Variants in SNTG1 observed in about 807,000 individuals in gnomAD.
SNTG1 encodes syntrophin gamma 1, also known as gamma-1-syntrophin.
Under a neutral mutation model 74.7 loss-of-function variants are expected in SNTG1, and 39 were observed. The observed-to-expected ratio is 0.52, with a 90% CI of 0.40 to 0.68. The LOEUF (loss-of-function observed/expected upper bound fraction) is 0.68. Among genes scored for constraint, SNTG1 ranks in the 30% least tolerant of loss-of-function variants. SNTG1 has a pLI of 0.00. For synonymous variants in SNTG1, 254 were observed against 217.1 expected (o/e 1.17, Z -1.49); for missense variants, 685 against 609.5 (o/e 1.12, Z -1.30).
intron 2 of SNTG1, among the ~76,000 whole-genome samples, chr8:50,202,934 T>A (rs1205579294): frequency 6.6e-6 from 1 of 152,048 alleles, no homozygotes; most frequent in Non-Finnish European, 1.5e-5. Flanking sequence ...AAGATCTCAA[T>A]GACTATTACT....
intron 8 of SNTG1, among the ~76,000 whole-genome samples, chr8:50,451,256 G>A (rs1410841327): frequency 6.6e-6 from 1 of 152,160 alleles, no homozygotes. Context: ...ATTAGATATT[G>A]CAAGTATCTA....
chr8:50,178,453 G>T (rs2083081889), intron 2 of SNTG1, among the ~76,000 whole-genome samples: 2 of 151,640 alleles, frequency 1.3e-5, no homozygotes, highest in African/African-American at 4.8e-5. Context: ...ATTGTTGGAG[G>T]TTATCTAACA....
intron 1 of SNTG1, among the ~76,000 whole-genome samples, chr8:50,050,133 A>G (rs966295248): frequency 6.6e-6 from 1 of 151,968 alleles, no homozygotes; most frequent in Non-Finnish European, 1.5e-5. Context: ...TAAATACAGG[A>G]AATCAACAGA....
chr8:50,519,837 A>C (rs1350835788), intron 9 of SNTG1, among the ~76,000 whole-genome samples: 1 of 152,218 alleles, frequency 6.6e-6, no homozygotes. Context: ...TTCCATGTTC[A>C]TAGACAGGGA....
chr8:50,051,558 A>C (rs914187393), intron 1 of SNTG1, among the ~76,000 whole-genome samples: 2 of 152,112 alleles, frequency 1.3e-5, no homozygotes, highest in African/African-American at 4.8e-5. Context: ...GTAAGTTTGA[A>C]GTCTGAAATG....
chr8:50,515,803 T>A (rs1397443678), intron 9 of SNTG1, among the ~76,000 whole-genome samples: 1 of 151,934 alleles, frequency 6.6e-6, no homozygotes, highest in Non-Finnish European at 1.5e-5. Context: ...GCAGCCCCAG[T>A]CAGGGGCTTA....
At chr8:50,511,533 T>C (rs1003613846) in intron 9 of SNTG1, among the ~76,000 whole-genome samples, 5 of 152,196 alleles carry the variant, frequency 3.3e-5, no homozygotes, top group African/African-American at 1.2e-4. Flanking sequence ...TCTCCCATTA[T>C]TATTGTGTGG....
chr8:50,665,746 G>A (rs2095247849), intron 15 of SNTG1, among the ~76,000 whole-genome samples: 1 of 151,812 alleles, frequency 6.6e-6, no homozygotes, highest in African/African-American at 2.4e-5. Context: ...AGCAATTCTG[G>A]GATAAAATAA....
Position 50,407,008 on chromosome 8 carries a change from C to T in SNTG1, c.162+4664C>T, listed in dbSNP as rs1219260183. On this transcript the variant is annotated intron_variant, in intron 4 of 18. Transcript: ENST00000642720. The stretch of plus-strand genomic sequence containing the variant: ...AACTCCCTTTGTCTGTTTTTTAAAA[C>T]CTCCCACTGGTAAAGGCCCGCAGAC... 2.0e-5 allele frequency among the ~76,000 whole-genome samples: 3 copies of T among 152,224 alleles called. No individual in the cohort carries two copies. The Middle Eastern group carries it at 0.01, about 518-fold the overall frequency.
chr8:50,293,531 T>C (rs990045470), intron 2 of SNTG1, among the ~76,000 whole-genome samples: 1 of 151,692 alleles, frequency 6.6e-6, no homozygotes, highest in African/African-American at 2.4e-5. Flanking sequence ...TGCCTCAGCC[T>C]CCCGAGTGGC....
At chr8:50,212,526 G>C (rs750535676) in intron 2 of SNTG1, among the ~76,000 whole-genome samples, 4 of 152,100 alleles carry the variant, frequency 2.6e-5, no homozygotes, top group Non-Finnish European at 5.9e-5. Flanking sequence ...ACAGATCCAT[G>C]CTCTCCAAGA....
intron 18 of SNTG1, among the ~76,000 whole-genome samples, chr8:50,767,734 A>G (rs143847840): frequency 1.3e-5 from 2 of 152,124 alleles, no homozygotes; most frequent in African/African-American, 2.4e-5. Flanking sequence ...GTCATTTATA[A>G]CTAAACATTC....
intron 1 of SNTG1, among the ~76,000 whole-genome samples, chr8:50,009,655 A>G (rs1362998408): frequency 6.6e-6 from 1 of 152,170 alleles, no homozygotes; most frequent in African/African-American, 2.4e-5. Flanking sequence ...CTTTTGCGGT[A>G]TTATAAAGAA....
chr8:50,791,729 C>T (rs905660621), intron 18 of SNTG1, among the ~76,000 whole-genome samples: 2 of 151,602 alleles, frequency 1.3e-5, no homozygotes, highest in African/African-American at 4.8e-5. Context: ...ATTTCATATG[C>T]TTTATTACCC....
chr8:50,386,526 T>G (rs2092577198), intron 2 of SNTG1, among the ~76,000 whole-genome samples: 1 of 152,030 alleles, frequency 6.6e-6, no homozygotes, highest in Non-Finnish European at 1.5e-5. Context: ...ATTAGTTCAT[T>G]TGTATTGCTA....
chr8:50,505,518 G>T (rs1443932206), intron 9 of SNTG1, among the ~76,000 whole-genome samples: 1 of 151,882 alleles, frequency 6.6e-6, no homozygotes, highest in Non-Finnish European at 1.5e-5. Flanking sequence ...TTTTTGCTTT[G>T]TTTTGTTTTG....
intron 8 of SNTG1, among the ~76,000 whole-genome samples, chr8:50,461,158 TGTGTGTG>T (rs1292596932): frequency 1.6e-4 from 1 of 6,112 alleles, no homozygotes; most frequent in Non-Finnish European, 7.4e-4. Flanking sequence ...ATTTTTCTGG[TGTGTGTG>T]TGTGTGTGTG....
At chr8:50,179,005 T>C (rs1466925780) in intron 2 of SNTG1, among the ~76,000 whole-genome samples, 1 of 152,188 alleles carries the variant, frequency 6.6e-6, no homozygotes, top group African/African-American at 2.4e-5. Flanking sequence ...TTATTTTGAG[T>C]TGATTTTTGT....
At chr8:50,162,948 T>C (rs2082475591) in intron 1 of SNTG1, among the ~76,000 whole-genome samples, 1 of 152,190 alleles carries the variant, frequency 6.6e-6, no homozygotes, top group Non-Finnish European at 1.5e-5. Flanking sequence ...CATGAAATCC[T>C]TAGGAAGCCT....
Sources: gnomAD v4.1 joint callset for allele counts (sites outside exome capture counted in the v4.1 genomes callset) on GRCh38, gnomAD v4.1.1 for gene constraint, MANE v1.5 for transcripts, NCBI Gene and HGNC (gene_info 2026-07-23, HGNC 2026-07-21) for gene names.